The following SYNCRIP variants were observed in gnomAD, a reference collection of about 807,000 sequenced individuals.
SYNCRIP encodes the protein heterogeneous nuclear ribonucleoprotein Q.
A neutral mutation model predicts 68.9 loss-of-function variants in SYNCRIP; 9 were observed. The observed-to-expected ratio is 0.13, with a 90% CI of 0.08 to 0.23. The LOEUF (loss-of-function observed/expected upper bound fraction) is 0.23. SYNCRIP is among the 10% of genes least tolerant of loss of function. The pLI is 1.00. For missense variants in SYNCRIP, 414 were observed against 770.6 expected (o/e 0.54, Z 5.48); for synonymous variants, 258 against 254.0 (o/e 1.02, Z -0.15).
At chr6:85,640,992 A>C (rs1809073037) in intron 2 of SYNCRIP, among the ~76,000 whole-genome samples, 1 of 152,190 alleles carries the variant, frequency 6.6e-6, no homozygotes, top group Non-Finnish European at 1.5e-5. Context: ...GAAGAATCCT[A>C]CTATAAAAAT....
intron 10 of SYNCRIP, among the ~76,000 whole-genome samples, chr6:85,616,894 G>A (rs546863733): frequency 1.9e-4 from 29 of 152,252 alleles, no homozygotes; most frequent in Admixed American, 6.5e-4. Flanking sequence ...GCATCTAGCA[G>A]GAAGAGGCCA....
At position 85,640,401 on chromosome 6, in the gene SYNCRIP, A is replaced by C. The variant is rs756959381; in HGVS notation, c.267+45T>G. 1.9e-6 allele frequency: 3 copies of C among 1,579,906 alleles called. No homozygotes were observed. In the Admixed American group the frequency reaches 5.3e-5, roughly 28 times the overall value. ...CTAATAAAATTCAGCAGATAGTATC[A>C]AAACTACTCAAATTTTTTAATTTTC... On this transcript the variant is annotated intron_variant, in intron 3 of 10. Coordinates refer to ENST00000369622, the MANE Select transcript of SYNCRIP (RefSeq NM_006372.5).
chr6:85,614,390 A>T lies in SYNCRIP; in HGVS notation c.*366T>A. Reference sequence around the variant, plus strand: ...TAACATACAAAGTTATTCTGATACAAGATATTAAAGACACACTTGGTTTTA... The same window carrying T: ...TAACATACAAAGTTATTCTGATACATGATATTAAAGACACACTTGGTTTTA... On this transcript the variant is annotated 3_prime_UTR_variant, in exon 11 of 11. Transcript: ENST00000369622. 1 of 999,954 alleles carries T rather than the reference A, an allele frequency of 1.0e-6. No individual in the cohort carries two copies. Among genetic ancestry groups the T allele is most frequent in the Non-Finnish European group, 1.2e-6 (1 of 839,922 alleles). 61.9% of individuals were successfully genotyped at this position (999,954 alleles called of 1,614,324 possible).
Position 85,635,774 on chromosome 6 carries a change from CA to C in SYNCRIP, c.666+1192del, listed in dbSNP as rs58599854. On this transcript the variant is annotated intron_variant, in intron 6 of 10. Transcript: ENST00000369622. The stretch of plus-strand genomic sequence containing the variant: ...GGTGACAGAGTGAGATTCTATCTCC[CA>C]AAAAAAAAAAAAAAAAAAAAAAGAA... 6.7e-3 allele frequency among the ~76,000 whole-genome samples: 532 copies of C among 78,920 alleles called. 6 individuals are homozygous for C. In the East Asian group the frequency reaches 0.087, roughly 13 times the overall value. The allele number at this position is 78,920 out of a possible 152,430, so 51.8% of individuals were successfully genotyped here. A position where few individuals can be genotyped will look rare whatever the true frequency, so the allele number is the denominator to read the frequency against.
At chr6:85,619,143 G>A (rs1008817506) in intron 9 of SYNCRIP, 125 bp downstream of exon 9, 1 of 1,380,692 alleles carries the variant, frequency 7.2e-7, no homozygotes, top group Non-Finnish European at 9.9e-7. Flanking sequence ...AAAACCAAAA[G>A]GTTTTAGTTT....
intron 6 of SYNCRIP, among the ~76,000 whole-genome samples, chr6:85,627,819 T>C (rs1562094592): frequency 6.6e-6 from 1 of 152,212 alleles, no homozygotes; most frequent in African/African-American, 2.4e-5. Context: ...AGATTAATTA[T>C]GATCATTAAT....
chr6:85,636,840 G>GAA, intron 6 of SYNCRIP, 127 bp downstream of exon 6: 53 of 753,642 alleles, frequency 7.0e-5, no homozygotes, highest in Non-Finnish European at 9.9e-5. Context: ...AGTGATGTGG[G>GAA]AAAAAAAAAA....
At chr6:85,629,470 T>C (rs1257297159) in intron 6 of SYNCRIP, among the ~76,000 whole-genome samples, 1 of 134,810 alleles carries the variant, frequency 7.4e-6, no homozygotes, top group African/African-American at 2.8e-5. Flanking sequence ...AATGGATCAC[T>C]GAAGGTTTGG....
intron 7 of SYNCRIP, among the ~76,000 whole-genome samples, chr6:85,623,583 A>AAAAAAAAAAAAAAAC (rs1562087872): frequency 1.4e-5 from 2 of 144,006 alleles, no homozygotes; most frequent in African/African-American, 5.1e-5. Flanking sequence ...AAAAAAAAAA[A>AAAAAAAAAAAAAAAC]CACTCTGCTA....
At chr6:85,622,286 T>C (rs1472488908) in intron 8 of SYNCRIP, among the ~76,000 whole-genome samples, 196 bp downstream of exon 8, 1 of 152,034 alleles carries the variant, frequency 6.6e-6, no homozygotes, top group Non-Finnish European at 1.5e-5. Context: ...GGAGAATCAC[T>C]TGAACCCGGG....
At chr6:85,627,844 A>G (rs558527394) in intron 6 of SYNCRIP, among the ~76,000 whole-genome samples, 12 of 152,348 alleles carry the variant, frequency 7.9e-5, no homozygotes, top group Admixed American at 5.9e-4. Context: ...GTGAGGTTTC[A>G]GTTTTTAAGA....
rs1180547741 is a variant in SYNCRIP at position 85,622,566 on chromosome 6, A to G, written c.924T>C (p.Ser308=). Residue 308 remains serine, a synonymous_variant, in exon 8 of 11, where the codon AGT becomes AGC. Transcript: ENST00000369622. ...CATTCCCCCAGACCTTGACTTTACCACTCATTAACCTACGCCTTGCCTGGG... is the reference window on the plus strand; with the variant it reads ...CATTCCCCCAGACCTTGACTTTACCGCTCATTAACCTACGCCTTGCCTGGG... ...TAAQARRRLM[S]GKVKVWGNVG... The G allele has an allele frequency of 1.2e-6, 2 of 1,613,900 alleles. No homozygotes were observed. The highest frequency in any genetic ancestry group is 1.7e-6 in the Non-Finnish European group (2 of 1,179,996).
chr6:85,629,639 T>C (rs1286572618), intron 6 of SYNCRIP, among the ~76,000 whole-genome samples: 2 of 150,534 alleles, frequency 1.3e-5, no homozygotes, highest in Non-Finnish European at 2.9e-5. Context: ...CTGGCCAATA[T>C]GGTGAAACCC....
chr6:85,640,636 T>C (rs1809016247), intron 2 of SYNCRIP, 72 bp from the exon 3 acceptor site: 1 of 877,506 alleles, frequency 1.1e-6, no homozygotes, highest in East Asian at 2.6e-5. Flanking sequence ...ATGTTGGCAA[T>C]ACAGGTACAT....
At chr6:85,629,719 G>A (rs1323648599) in intron 6 of SYNCRIP, among the ~76,000 whole-genome samples, 1 of 152,074 alleles carries the variant, frequency 6.6e-6, no homozygotes, top group Non-Finnish European at 1.5e-5. Flanking sequence ...CTACTCGGGA[G>A]GCTGAGGCAG....
upstream of SYNCRIP, among the ~76,000 whole-genome samples, chr6:85,643,542 G>GCGGGC (rs1809459071): frequency 2.0e-5 from 3 of 151,668 alleles, no homozygotes; most frequent in African/African-American, 7.3e-5. Flanking sequence ...TCCAGGCGGG[G>GCGGGC]CGGGCCGGCT....
intron 6 of SYNCRIP, among the ~76,000 whole-genome samples, chr6:85,630,774 T>C (rs1406095945): frequency 6.6e-6 from 1 of 152,146 alleles, no homozygotes; most frequent in Non-Finnish European, 1.5e-5. Flanking sequence ...CAACACCTAC[T>C]ACATAATGGG....
At chr6:85,628,219 CTAA>C (rs911149058) in intron 6 of SYNCRIP, among the ~76,000 whole-genome samples, 1 of 152,126 alleles carries the variant, frequency 6.6e-6, no homozygotes, top group African/African-American at 2.4e-5. Flanking sequence ...CCACACCCGG[CTAA>C]TTTTTGTATT....
At chr6:85,625,260 A>C (rs1806904514) in intron 6 of SYNCRIP, among the ~76,000 whole-genome samples, 1 of 152,058 alleles carries the variant, frequency 6.6e-6, no homozygotes, top group African/African-American at 2.4e-5. Flanking sequence ...TCCCAGGTTT[A>C]CTTCTATTTC....
Sources: gnomAD v4.1 joint callset for allele counts (sites outside exome capture counted in the v4.1 genomes callset) on GRCh38, gnomAD v4.1.1 for gene constraint, MANE v1.5 for transcripts, NCBI Gene and HGNC (gene_info 2026-07-23, HGNC 2026-07-21) for gene names.